Variants in PCDHGA7 observed in about 807,000 individuals in gnomAD.
PCDHGA7 encodes protocadherin gamma-A7.
Under a neutral mutation model 58.3 loss-of-function variants are expected in PCDHGA7, and 44 were observed. That is an observed-to-expected ratio of 0.75 (90% CI 0.59 to 0.97). The LOEUF is 0.97. Ranked by LOEUF, PCDHGA7 falls within the 50% of genes least tolerant of loss-of-function variation. PCDHGA7 has a pLI of 0.00. For synonymous variants in PCDHGA7, 516 were observed against 504.2 expected (o/e 1.02, Z -0.31); for missense variants, 1,266 against 1,188.7 (o/e 1.06, Z -0.96).
intron 1 of PCDHGA7, chr5:141,414,843 G>A: frequency 3.7e-6 from 6 of 1,614,218 alleles, no homozygotes; most frequent in Non-Finnish European, 5.1e-6. Context: ...GCCTGTTTGT[G>A]CTGGACCAGA....
chr5:141,487,529 A>G lies in PCDHGA7; in HGVS notation c.2425-7278A>G, dbSNP rs772843725. ...TGCACCCACTCGGAGTGATAGCTTCATGATGGTGAAGTCACCCAGTGCACC... is the reference window on the plus strand; with the variant it reads ...TGCACCCACTCGGAGTGATAGCTTCGTGATGGTGAAGTCACCCAGTGCACC... On this transcript the variant is annotated intron_variant, in intron 1 of 3. Coordinates refer to ENST00000518325, the MANE Select transcript of PCDHGA7 (RefSeq NM_018920.4). The surrounding 1 kb of genome is among the most constrained non-coding windows in gnomAD (Gnocchi z 5.0). The G allele has an allele frequency of 2.0e-5, 32 of 1,614,168 alleles. No individual in the cohort carries two copies. Among genetic ancestry groups the G allele is most frequent in the Non-Finnish European group, 2.5e-5 (29 of 1,180,040 alleles).
At chr5:141,455,289 A>G (rs1592356100) in intron 1 of PCDHGA7, among the ~76,000 whole-genome samples, 2 of 152,192 alleles carry the variant, frequency 1.3e-5, no homozygotes, top group East Asian at 3.9e-4. Context: ...ATCACTTTAC[A>G]TAGTTTCATC....
chr5:141,509,709 T>C (rs1344120168), intron 3 of PCDHGA7, among the ~76,000 whole-genome samples: 1 of 152,200 alleles, frequency 6.6e-6, no homozygotes, highest in African/African-American at 2.4e-5. Context: ...CTGGAGGTGC[T>C]GTCTGATGTC....
intron 1 of PCDHGA7, chr5:141,419,680 C>T (rs757026598): frequency 9.3e-6 from 15 of 1,612,946 alleles, no homozygotes; most frequent in Non-Finnish European, 1.3e-5. Flanking sequence ...TGTCCTACCA[C>T]GTGGTGCAGG....
chr5:141,496,478 G>A lies in PCDHGA7; in HGVS notation c.2483+1613G>A, dbSNP rs150992994. 7.2e-3 allele frequency among the ~76,000 whole-genome samples: 1,093 copies of A among 152,228 alleles called. 19 individuals are homozygous for A. The highest frequency in any genetic ancestry group is 0.025 in the African/African-American group (1,039 of 41,518). ...CCAAGAGTTATCTTTCCCCCATCCT[G>A]CAACCAACCAAACCCTTGTTGCCAC... is the stretch of plus-strand genomic sequence containing the variant. On this transcript the variant is annotated intron_variant, in intron 2 of 3. Transcript: ENST00000518325.
At position 141,491,291 on chromosome 5, in the gene PCDHGA7, C is replaced by G; in HGVS notation, c.2425-3516C>G. On this transcript the variant is annotated intron_variant, in intron 1 of 3. Coordinates refer to ENST00000518325, the MANE Select transcript of PCDHGA7 (RefSeq NM_018920.4). The surrounding 1 kb of genome is among the most constrained non-coding windows in gnomAD (Gnocchi z 6.9). ...AAATCCAGTGACTTCCTCATACACCCTCCTGAGCGTTCAGACCTTACCCTT... is the reference window on the plus strand; with the variant it reads ...AAATCCAGTGACTTCCTCATACACCGTCCTGAGCGTTCAGACCTTACCCTT... 2 of 1,614,152 alleles carry G rather than the reference C, an allele frequency of 1.2e-6. No homozygotes were observed. The highest frequency in any genetic ancestry group is 1.7e-6 in the Non-Finnish European group (2 of 1,179,974).
At chr5:141,393,405 C>G (rs777100284) in intron 1 of PCDHGA7, 1 of 1,613,914 alleles carries the variant, frequency 6.2e-7, no homozygotes, top group Admixed American at 1.7e-5. Flanking sequence ...GGTGCTGGAG[C>G]GCGCCCTGGA....
chr5:141,389,618 C>T (rs1224398489), intron 1 of PCDHGA7: 46 of 1,612,930 alleles, frequency 2.9e-5, no homozygotes, highest in Middle Eastern at 1.7e-4. Flanking sequence ...TGGTGCCGCA[C>T]GCTGCAGAGC....
At position 141,385,323 on chromosome 5, in the gene PCDHGA7, G is replaced by C. The variant is rs1781122610; in HGVS notation, c.2424G>C (p.Gln808His). The C allele has an allele frequency of 6.2e-7, 1 of 1,607,092 alleles. No homozygotes were observed. Among genetic ancestry groups the C allele is most frequent in the Non-Finnish European group, 8.5e-7 (1 of 1,175,962 alleles). ...GTAAAGAAAACCTGCCAAGTATTCA[G>C]GTGAGCCCAGCCCTTCCTTTATTTC... is the stretch of plus-strand genomic sequence containing the variant. The part of the protein sequence containing the change: ...QECKENLPSI[Q>H]QAPPNTDWRF... Residue 808 changes from glutamine to histidine, a missense_variant and splice_region_variant, in exon 1 of 4, where the codon CAG (glutamine) becomes CAC (histidine). Coordinates refer to ENST00000518325, the MANE Select transcript of PCDHGA7 (RefSeq NM_018920.4).
In PCDHGA7 at chr5:141,403,493, A is replaced by G. The variant is rs762825635; in HGVS notation, c.2424+18170A>G. The G allele has an allele frequency of 8.7e-6, 14 of 1,613,886 alleles. No homozygotes were observed. The highest frequency in any genetic ancestry group is 5.0e-5 in the Admixed American group (3 of 59,998). Reference sequence around the variant, plus strand: ...CAGCCCCAATCACCACTTCTCCCTGAACGTGCAGACTGGAGACAATGGAGC... The same window carrying G: ...CAGCCCCAATCACCACTTCTCCCTGGACGTGCAGACTGGAGACAATGGAGC... On this transcript the variant is annotated intron_variant, in intron 1 of 3. Coordinates refer to ENST00000518325, the MANE Select transcript of PCDHGA7 (RefSeq NM_018920.4).
intron 1 of PCDHGA7, chr5:141,423,914 A>G (rs2096790099): frequency 3.0e-5 from 38 of 1,268,116 alleles, no homozygotes; most frequent in Non-Finnish European, 3.0e-6. Flanking sequence ...GGGGCCATTC[A>G]ACTATGCTGG....
intron 1 of PCDHGA7, among the ~76,000 whole-genome samples, chr5:141,447,851 C>A (rs961725006): frequency 6.6e-6 from 1 of 151,980 alleles, no homozygotes; most frequent in African/African-American, 2.4e-5. Flanking sequence ...TTTGGGAGGC[C>A]GAGGTGGGTG....
At chr5:141,427,410 G>GA (rs1197961039) in intron 1 of PCDHGA7, 3 of 463,834 alleles carry the variant, frequency 6.5e-6, no homozygotes, top group African/African-American at 2.0e-5. Flanking sequence ...AGATTCGAGA[G>GA]AAAATGGGGA....
At chr5:141,396,781 G>T (rs1270995904) in intron 1 of PCDHGA7, 1 of 152,204 alleles carries the variant, frequency 6.6e-6, no homozygotes, top group East Asian at 1.9e-4. Context: ...TTAATGAAAA[G>T]GACATTTCCT....
intron 1 of PCDHGA7, chr5:141,393,176 A>G: frequency 1.9e-6 from 3 of 1,613,294 alleles, no homozygotes; most frequent in East Asian, 2.2e-5. Context: ...GGGTAGAAAT[A>G]GAAATAATTG....
At chr5:141,497,733 T>G (rs2099779006) in intron 2 of PCDHGA7, among the ~76,000 whole-genome samples, 2 of 152,078 alleles carry the variant, frequency 1.3e-5, no homozygotes, top group Non-Finnish European at 2.9e-5. Context: ...AGAGATGGGT[T>G]TCGCCACGTT....
At chr5:141,499,323 GCTCT>G (rs1259902316) in intron 2 of PCDHGA7, among the ~76,000 whole-genome samples, 1 of 152,046 alleles carries the variant, frequency 6.6e-6, no homozygotes, top group East Asian at 1.9e-4. Context: ...CAGTATCCCT[GCTCT>G]CTCTCAGTTT....
At chr5:141,443,447 C>T (rs1267862519) in intron 1 of PCDHGA7, among the ~76,000 whole-genome samples, 1 of 152,184 alleles carries the variant, frequency 6.6e-6, no homozygotes, top group African/African-American at 2.4e-5. Flanking sequence ...GGTTGCGCTC[C>T]TGTACTCCAG....
intron 1 of PCDHGA7, among the ~76,000 whole-genome samples, chr5:141,430,013 G>T (rs2097256191): frequency 6.6e-6 from 1 of 151,922 alleles, no homozygotes; most frequent in South Asian, 2.1e-4. Context: ...TTTTCACTTG[G>T]GTTCTTGTTA....
Sources: allele counts gnomAD v4.1 joint callset (sites outside exome capture counted in the v4.1 genomes callset), GRCh38; gene constraint gnomAD v4.1.1; non-coding constraint Gnocchi (gnomAD v3.1); transcripts MANE v1.5; gene names NCBI Gene and HGNC (gene_info 2026-07-23, HGNC 2026-07-21).